The following TAGLN3 variants were observed in gnomAD, a reference collection of about 807,000 sequenced individuals.
TAGLN3 encodes the protein transgelin-3.
In TAGLN3, 12 loss-of-function variants were observed where a neutral mutation model predicts 25.4. That is an observed-to-expected ratio of 0.47 (90% CI 0.30 to 0.77). The LOEUF (loss-of-function observed/expected upper bound fraction) is 0.77, where lower values mean the gene tolerates loss of function less well. TAGLN3 is among the 30% of genes least tolerant of loss of function. The pLI is 0.06. For synonymous variants in TAGLN3, 96 were observed against 94.8 expected, an observed-to-expected ratio of 1.01 and a Z score of -0.08; for missense variants, 218 against 255.8, an observed-to-expected ratio of 0.85 and a Z score of 1.01.
chr3:112,002,882 C>A (rs1469606667), intron 3 of TAGLN3, among the ~76,000 whole-genome samples: 5 of 151,358 alleles, frequency 3.3e-5, no homozygotes, highest in Non-Finnish European at 1.5e-5. Flanking sequence ...AGGAGGTATA[C>A]ACCACCTGCC....
intron 1 of TAGLN3, 118 bp from the exon 2 acceptor site, chr3:111,999,303 C>A: frequency 8.4e-7 from 1 of 1,183,658 alleles, no homozygotes; most frequent in Non-Finnish European, 1.2e-6. Flanking sequence ...GGCTTTCTGC[C>A]CTCTTTGCTG....
chr3:112,000,722 C>G (rs1485596386), intron 2 of TAGLN3, 50 bp from the exon 3 acceptor site: 2 of 1,580,012 alleles, frequency 1.3e-6, no homozygotes, highest in South Asian at 1.1e-5. Context: ...CATTCTTGAC[C>G]TGTAAATACA....
At chr3:112,001,060 T>C (rs1034023190) in intron 3 of TAGLN3, 114 bp downstream of exon 3, 4 of 911,856 alleles carry the variant, frequency 4.4e-6, no homozygotes, top group Non-Finnish European at 1.7e-6. Flanking sequence ...TGTAAGATGC[T>C]CTCAGCTGTT....
intron 3 of TAGLN3, among the ~76,000 whole-genome samples, chr3:112,001,773 C>T (rs1468753810): frequency 6.6e-6 from 1 of 152,198 alleles, no homozygotes; most frequent in Non-Finnish European, 1.5e-5. Flanking sequence ...TCATTAGTGG[C>T]CCAACCAACA....
intron 3 of TAGLN3, among the ~76,000 whole-genome samples, chr3:112,006,967 T>C (rs564700015): frequency 6.6e-6 from 1 of 152,290 alleles, no homozygotes; most frequent in East Asian, 1.9e-4. Flanking sequence ...TGTGACAATG[T>C]AGGAAATAGG....
At chr3:111,999,179 C>G (rs2280681) in intron 1 of TAGLN3, 65 bp downstream of exon 1, 29,420 of 431,282 alleles carry the variant, frequency 0.068, 1,922 homozygotes, top group East Asian at 0.26. Flanking sequence ...TTCCAGCCCC[C>G]CTGGACCGGC....
At chr3:112,003,011 TC>T (rs2072878457) in intron 3 of TAGLN3, among the ~76,000 whole-genome samples, 1 of 151,670 alleles carries the variant, frequency 6.6e-6, no homozygotes, top group Non-Finnish European at 1.5e-5. Context: ...ACACTAAGAC[TC>T]CCAGCCCTAG....
At chr3:111,999,625 T>C (rs983876254) in intron 2 of TAGLN3, 23 bp downstream of exon 2, 5 of 1,608,218 alleles carry the variant, frequency 3.1e-6, no homozygotes, top group Non-Finnish European at 3.4e-6. Context: ...GCGATCTCGG[T>C]TGCTGGGGCG....
At chr3:112,009,726 T>A (rs1258810315) in intron 3 of TAGLN3, among the ~76,000 whole-genome samples, 1 of 152,156 alleles carries the variant, frequency 6.6e-6, no homozygotes, top group Non-Finnish European at 1.5e-5. Context: ...ACCCTATAAT[T>A]TACATCAAAT....
At chr3:112,005,630 G>T (rs1168659675) in intron 3 of TAGLN3, among the ~76,000 whole-genome samples, 1 of 151,462 alleles carries the variant, frequency 6.6e-6, no homozygotes, top group Non-Finnish European at 1.5e-5. Flanking sequence ...TTGGGATATT[G>T]TAAGTAAAGT....
Position 112,013,580 on chromosome 3 carries a change from G to A in TAGLN3, c.*29G>A, listed in dbSNP as rs2073002245. On this transcript the variant is annotated 3_prime_UTR_variant, in exon 5 of 5. Transcript: ENST00000478951. ...GCGGCATCCTGCCCCTGGTAGAGAG[G>A]ACGAATGTTCCACACCATGGTCTCT... 1.2e-6 allele frequency: 2 copies of A among 1,613,924 alleles called. No individual in the cohort carries two copies. Among genetic ancestry groups the A allele is most frequent in the South Asian group, 1.1e-5 (1 of 91,086 alleles).
rs191063366 is a variant in TAGLN3, at chr3:111,999,634, C to A, written c.180+32C>A. ...CCGGCAGCGATCTCGGTTGCTGGGG[C>A]GGTGGGCAGGGAAACCCTCCAGGGC... On this transcript the variant is annotated intron_variant, in intron 2 of 4. Coordinates refer to ENST00000478951, the MANE Select transcript of TAGLN3 (RefSeq NM_001008272.2). 835 of 1,605,486 alleles carry A rather than the reference C, an allele frequency of 5.2e-4. 11 individuals are homozygous for A. The East Asian group carries it at 0.013, about 25-fold the overall frequency.
rs1200540729 is a variant in TAGLN3 at position 112,013,434 on chromosome 3, C to A, written c.483C>A (p.Gly161=). 1.9e-6 allele frequency: 3 copies of A among 1,613,686 alleles called. No individual in the cohort carries two copies. The highest frequency in any genetic ancestry group is 1.7e-4 in the Middle Eastern group (1 of 6,054). ...GGAAAGCCCAGCAGAATCGGAGAGG[C>A]TTTTCCGAGGAGCAGCTTCGCCAGG... ...FHRKAQQNRR[G]FSEEQLRQGQ... Residue 161 remains glycine, a synonymous_variant, in exon 5 of 5, where the codon GGC becomes GGA. Coordinates refer to ENST00000478951, the MANE Select transcript of TAGLN3 (RefSeq NM_001008272.2).
chr3:112,001,992 T>G (rs1204669737), intron 3 of TAGLN3, among the ~76,000 whole-genome samples: 3 of 152,240 alleles, frequency 2.0e-5, no homozygotes, highest in Non-Finnish European at 4.4e-5. Flanking sequence ...GAGCTGGCAT[T>G]GCATGTTTCC....
intron 1 of TAGLN3, 41 bp downstream of exon 1, chr3:111,999,155 G>T: frequency 5.4e-6 from 2 of 370,254 alleles, no homozygotes; most frequent in Non-Finnish European, 1.0e-5. Context: ...TGATAGGCGG[G>T]ATAGGGAGGG....
At position 111,999,599 on chromosome 3, in the gene TAGLN3, G is replaced by A. The variant is rs35978996; in HGVS notation, c.177G>A (p.Gly59=). 23 of 1,613,062 alleles carry A rather than the reference G, an allele frequency of 1.4e-5. No homozygotes were observed. The highest frequency in any genetic ancestry group is 1.8e-5 in the Non-Finnish European group (21 of 1,179,336). ...ATTTTCAGAAATGGTTAATGGACGG[G>A]ACGGTAAGGCCGGCAGCGATCTCGG... ...RAHFQKWLMD[G]TVLCKLINSL... The change falls in exon 2 of 5, where the codon GGG becomes GGA. Residue 59 remains glycine, a synonymous_variant. Transcript: ENST00000478951.
At chr3:112,008,792 A>AGT (rs1217096000) in intron 3 of TAGLN3, among the ~76,000 whole-genome samples, 1 of 152,218 alleles carries the variant, frequency 6.6e-6, no homozygotes, top group Non-Finnish European at 1.5e-5. Flanking sequence ...TTCTGGTCAT[A>AGT]GTGTTATTTA....
intron 3 of TAGLN3, among the ~76,000 whole-genome samples, chr3:112,004,497 T>C (rs1198526122): frequency 6.6e-6 from 1 of 152,148 alleles, no homozygotes; most frequent in Non-Finnish European, 1.5e-5. Flanking sequence ...TGGAAAGTAT[T>C]ACAGGAGAGT....
At chr3:112,006,255 G>A (rs1240234427) in intron 3 of TAGLN3, among the ~76,000 whole-genome samples, 2 of 152,140 alleles carry the variant, frequency 1.3e-5, no homozygotes, top group Non-Finnish European at 2.9e-5. Flanking sequence ...TCTGAGGTGA[G>A]GCCAAGAATT....
Sources: allele counts gnomAD v4.1 joint callset (sites outside exome capture counted in the v4.1 genomes callset), GRCh38; gene constraint gnomAD v4.1.1; transcripts MANE v1.5; gene names NCBI Gene and HGNC (gene_info 2026-07-23, HGNC 2026-07-21).